Variants in SCIN observed in about 807,000 individuals in gnomAD.
SCIN encodes the protein adseverin.
SCIN carries 91 observed loss-of-function variants against 91.8 expected under a neutral mutation model. The ratio of observed to expected loss-of-function variants is 0.99; its 90% confidence interval spans 0.84 to 1.18. The LOEUF is 1.18. Ranked by LOEUF, SCIN falls within the 50% of genes most tolerant of loss-of-function variation. SCIN has a pLI of 0.00. For synonymous variants in SCIN, 367 were observed against 312.6 expected (o/e 1.17, Z -1.84); for missense variants, 1,087 against 863.9 (o/e 1.26, Z -3.24).
At chr7:12,633,100 T>G (rs1194519380) in intron 9 of SCIN, among the ~76,000 whole-genome samples, 1 of 152,172 alleles carries the variant, frequency 6.6e-6, no homozygotes, top group African/African-American at 2.4e-5. Flanking sequence ...TAAACAACTT[T>G]CCAGTTTATG....
intron 9 of SCIN, among the ~76,000 whole-genome samples, chr7:12,631,575 G>A (rs895705085): frequency 6.6e-6 from 1 of 152,142 alleles, no homozygotes; most frequent in Non-Finnish European, 1.5e-5. Flanking sequence ...AATGGGGCCA[G>A]TGGCTTTATA....
chr7:12,635,385 G>A (rs1452374837), intron 9 of SCIN, among the ~76,000 whole-genome samples: 2 of 151,364 alleles, frequency 1.3e-5, no homozygotes, highest in Admixed American at 6.6e-5. Flanking sequence ...GCCGAGGTGG[G>A]CAGATCATGA....
At chr7:12,644,090 G>T (rs1783907950) in intron 11 of SCIN, 48 bp from the exon 12 acceptor site, 1 of 1,503,510 alleles carries the variant, frequency 6.7e-7, no homozygotes, top group Non-Finnish European at 9.1e-7. Context: ...TTTATTGAGG[G>T]AGCAGCAATG....
intron 4 of SCIN, among the ~76,000 whole-genome samples, chr7:12,607,691 T>G (rs1783106354): frequency 6.6e-6 from 1 of 152,200 alleles, no homozygotes; most frequent in Non-Finnish European, 1.5e-5. Context: ...CACAATGAAC[T>G]GAGATGAATT....
intron 3 of SCIN, among the ~76,000 whole-genome samples, chr7:12,582,166 G>T (rs62448296): frequency 6.6e-6 from 1 of 152,218 alleles, no homozygotes; most frequent in Non-Finnish European, 1.5e-5. Flanking sequence ...TGCAAAGTTA[G>T]TAAATGGTGA....
At chr7:12,612,948 C>G (rs1282918142) in intron 4 of SCIN, among the ~76,000 whole-genome samples, 3 of 152,142 alleles carry the variant, frequency 2.0e-5, no homozygotes, top group Non-Finnish European at 4.4e-5. Flanking sequence ...GTTAACACCA[C>G]TTGGCAATCA....
intron 13 of SCIN, among the ~76,000 whole-genome samples, chr7:12,648,400 A>C (rs1562636972): frequency 6.6e-6 from 1 of 150,536 alleles, no homozygotes; most frequent in Non-Finnish European, 1.5e-5. Flanking sequence ...AGGTTCAAGC[A>C]ATTCTCCTAC....
In SCIN at chr7:12,593,390, T is replaced by C. The variant is rs576733770; in HGVS notation, c.517-11124T>C. On this transcript the variant is annotated intron_variant, in intron 3 of 15. Coordinates refer to ENST00000297029, the MANE Select transcript of SCIN (RefSeq NM_001112706.3). ...GGGTTTGAGAGCCATCTTCAGCCTT[T>C]TTAAGTTTGTGCCGGATGTCAGGGG... 7.2e-5 allele frequency among the ~76,000 whole-genome samples: 11 copies of C among 152,292 alleles called. No individual in the cohort carries two copies. The South Asian group carries it at 2.3e-3, about 32-fold the overall frequency.
At chr7:12,595,223 T>A (rs1782815654) in intron 3 of SCIN, among the ~76,000 whole-genome samples, 1 of 152,180 alleles carries the variant, frequency 6.6e-6, no homozygotes, top group African/African-American at 2.4e-5. Flanking sequence ...GCTTACAGAA[T>A]GACGGGTTTA....
intron 3 of SCIN, among the ~76,000 whole-genome samples, chr7:12,589,950 T>C (rs1006507746): frequency 1.3e-5 from 2 of 152,116 alleles, no homozygotes; most frequent in African/African-American, 4.8e-5. Flanking sequence ...TCCATGGTTT[T>C]TGGACTTCAA....
chr7:12,595,390 G>A (rs994604042), intron 3 of SCIN, among the ~76,000 whole-genome samples: 4 of 151,402 alleles, frequency 2.6e-5, no homozygotes, highest in Non-Finnish European at 4.4e-5. Flanking sequence ...CTGTAAGCAA[G>A]TCTGGTGACC....
intron 2 of SCIN, among the ~76,000 whole-genome samples, chr7:12,578,930 C>A (rs1294420792): frequency 2.8e-5 from 1 of 35,580 alleles, no homozygotes; most frequent in Non-Finnish European, 5.6e-5. Flanking sequence ...TTTTTGGCAT[C>A]CTCCTAGTTA....
chr7:12,610,154 T>C (rs1783162647), intron 4 of SCIN, among the ~76,000 whole-genome samples: 1 of 152,220 alleles, frequency 6.6e-6, no homozygotes, highest in Non-Finnish European at 1.5e-5. Context: ...TAGTCTAGAT[T>C]AAACTCCAAA....
chr7:12,571,866 G>C (rs1443564359), intron 1 of SCIN, among the ~76,000 whole-genome samples: 1 of 152,160 alleles, frequency 6.6e-6, no homozygotes, highest in Non-Finnish European at 1.5e-5. Context: ...TAAACATCCT[G>C]AATGTCCAGC....
chr7:12,659,504 C>G lies in SCIN; in HGVS notation c.*6789C>G, dbSNP rs141948912. ...ACATGTGCCATTTTGGCATGGATATCTAAAGCCACCATGATGGCTTTATAT... is the reference window on the plus strand; with the variant it reads ...ACATGTGCCATTTTGGCATGGATATGTAAAGCCACCATGATGGCTTTATAT... On this transcript the variant is annotated 3_prime_UTR_variant, in exon 16 of 16. Transcript: ENST00000297029. 1 of 152,234 alleles carries G rather than the reference C, an allele frequency of 6.6e-6. No individual in the cohort carries two copies. Among genetic ancestry groups the G allele is most frequent in the African/African-American group, 2.4e-5 (1 of 41,546 alleles). 9.4% of individuals were successfully genotyped at this position (152,234 alleles called of 1,614,324 possible). A position where few individuals can be genotyped will look rare whatever the true frequency, so the allele number is the denominator to read the frequency against.
chr7:12,596,524 TC>T (rs2115240378), intron 3 of SCIN: 1 of 448,608 alleles, frequency 2.2e-6, no homozygotes, highest in East Asian at 7.0e-5. Flanking sequence ...CAACTGACAT[TC>T]CTAGTGGTTG....
intron 14 of SCIN, among the ~76,000 whole-genome samples, chr7:12,650,229 A>G (rs190396338): frequency 6.6e-6 from 1 of 152,306 alleles, no homozygotes; most frequent in Admixed American, 6.5e-5. Flanking sequence ...CCATTCAGTT[A>G]TATCACACCC....
chr7:12,634,057 A>G (rs1026496902), intron 9 of SCIN, among the ~76,000 whole-genome samples: 2 of 151,116 alleles, frequency 1.3e-5, no homozygotes, highest in African/African-American at 4.9e-5. Flanking sequence ...TAAGATACAC[A>G]CCCTGTTCCC....
In SCIN at chr7:12,570,940, G is replaced by T. The variant is rs1347538378; in HGVS notation, c.154G>T (p.Ala52Ser). 1 of 1,551,362 alleles carries T rather than the reference G, an allele frequency of 6.4e-7. No homozygotes were observed. The highest frequency in any genetic ancestry group is 1.2e-5 in the South Asian group (1 of 84,052). ...GGATGCCTACCTGGTGCTGCACACG[G>T]CCAAGACGAGCCGAGGCTTCACCTA... ...VGDAYLVLHTAKTSRGFTYHL... is the reference protein window; with the variant it reads ...VGDAYLVLHTSKTSRGFTYHL... Residue 52 changes from alanine to serine, a missense_variant, in exon 1 of 16, where the codon GCC (alanine) becomes TCC (serine). Ala to Ser is a moderately conservative substitution (Grantham distance 99). Coordinates refer to ENST00000297029, the MANE Select transcript of SCIN (RefSeq NM_001112706.3).
Sources: allele counts gnomAD v4.1 joint callset (sites outside exome capture counted in the v4.1 genomes callset), GRCh38; gene constraint gnomAD v4.1.1; transcripts MANE v1.5; gene names NCBI Gene and HGNC (gene_info 2026-07-23, HGNC 2026-07-21).